The following IGSF10 variants were observed in gnomAD, a reference collection of about 807,000 sequenced individuals.
IGSF10 encodes immunoglobulin superfamily member 10, also known as calvaria mechanical force protein 608.
A neutral mutation model predicts 128.2 loss-of-function variants in IGSF10; 126 were observed. The observed-to-expected ratio is 0.98, with a 90% CI of 0.85 to 1.14. The LOEUF is 1.14. Ranked by LOEUF, IGSF10 falls within the 50% of genes most tolerant of loss-of-function variation. IGSF10 has a pLI of 0.00. For missense variants in IGSF10, 3,295 were observed against 3,149.8 expected (o/e 1.05, Z -1.10); for synonymous variants, 1,185 against 1,146.2 (o/e 1.03, Z -0.68).
the IGSF10 span, among the ~76,000 whole-genome samples, chr3:151,530,529 C>T: frequency 6.6e-6 from 1 of 152,208 alleles, no homozygotes; most frequent in East Asian, 1.9e-4. Context: ...ACCCTACAAG[C>T]CAGAAGAGAG....
In IGSF10 at chr3:151,448,777, A is replaced by G; in HGVS notation, c.1204T>C (p.Tyr402His). The G allele has an allele frequency of 6.2e-7, 1 of 1,613,748 alleles. No individual in the cohort carries two copies. The highest frequency in any genetic ancestry group is 8.5e-7 in the Non-Finnish European group (1 of 1,179,690). ...HLLSETPQLY[Y>H]KYKQVAPKPE... ...TTAGGAGCCACCTGTTTATATTTGT[A>G]ATAGAGCTGCGGTGTTTCACTAAGC... The change falls in exon 6 of 8, where the codon TAC becomes CAC. Residue 402 changes from tyrosine to histidine, a missense_variant. Tyr to His is a moderately conservative substitution (Grantham distance 83). Transcript: ENST00000282466.
chr3:151,443,512 A>G lies in IGSF10; in HGVS notation c.5435T>C (p.Ile1812Thr), dbSNP rs775543651. The G allele has an allele frequency of 1.9e-6, 3 of 1,614,234 alleles. No individual in the cohort carries two copies. The African/African-American group carries it at 4.0e-5, about 22-fold the overall frequency. ...ACATTTGTAAAAGCCACGGTCATAAATACTGAGATTGTGGAGGACCAATGT... is the reference window on the plus strand; with the variant it reads ...ACATTTGTAAAAGCCACGGTCATAAGTACTGAGATTGTGGAGGACCAATGT... ...DGTLVLHNLS[I>T]YDRGFYKCVA... The change falls in exon 7 of 8, where the codon ATT (isoleucine) becomes ACT (threonine). Residue 1812 changes from isoleucine to threonine, a missense_variant. Physicochemically the swap from Ile to Thr is moderately conservative, Grantham distance 89 (BLOSUM62 -1). Coordinates refer to ENST00000282466, the MANE Select transcript of IGSF10 (RefSeq NM_178822.5).
At chr3:151,463,499 T>A (rs1467764114), upstream of IGSF10, among the ~76,000 whole-genome samples, 1 of 150,314 alleles carries the variant, frequency 6.7e-6, no homozygotes, top group Admixed American at 6.6e-5. Flanking sequence ...GTAAAACCAA[T>A]GCTTTTAAGC....
rs772661934 is a variant in IGSF10, at chr3:151,446,768, C to G, written c.3213G>C (p.Arg1071Ser). 4 of 1,614,042 alleles carry G rather than the reference C, an allele frequency of 2.5e-6. No individual in the cohort carries two copies. In the Admixed American group the frequency reaches 6.7e-5, roughly 27 times the overall value. ...ACAATGCTGCTGTGGCAGTGGTGAG[C>G]CTCTCCCTGGGAAGACAGGACAGAC... The part of the protein sequence containing the change: ...VTCLSCLPRE[R>S]LTTATAALSF... Residue 1071 changes from arginine to serine, a missense_variant, in exon 6 of 8, where the codon AGG becomes AGC. By Grantham distance (110) the Arg-to-Ser change is moderately radical (BLOSUM62 -1). Coordinates refer to ENST00000282466, the MANE Select transcript of IGSF10 (RefSeq NM_178822.5).
At chr3:151,544,807 T>G in the IGSF10 span, among the ~76,000 whole-genome samples, 1,293 of 152,212 alleles carry the variant, frequency 8.5e-3, 17 homozygotes, top group Non-Finnish European at 0.014. Context: ...TTTTGTGTTT[T>G]GGTTTTGGAA....
rs1720311338 is a variant in IGSF10 at position 151,436,856 on chromosome 3, G to A, written c.7705C>T (p.Leu2569Phe). 1 of 1,614,048 alleles carries A rather than the reference G, an allele frequency of 6.2e-7. No individual in the cohort carries two copies. The highest frequency in any genetic ancestry group is 8.5e-7 in the Non-Finnish European group (1 of 1,180,034). Residue 2569 changes from leucine to phenylalanine, a missense_variant, in exon 8 of 8, where the codon CTT becomes TTT. By Grantham distance (22) the Leu-to-Phe change is conservative. Coordinates refer to ENST00000282466, the MANE Select transcript of IGSF10 (RefSeq NM_178822.5). The stretch of plus-strand genomic sequence containing the variant: ...CTCTCTTTACTTGCCGTTGAGAGAA[G>A]GGAGTGGTCAGGCATCTCCCATGTG... Reference protein sequence around the residue: ...EITWEMPDHSLLSTASKERTH... With the variant: ...EITWEMPDHSFLSTASKERTH...
rs560172935 is a variant in IGSF10, at chr3:151,447,371, C to T, written c.2610G>A (p.Met870Ile). ...KLSTAIKTTAMSKNINPTMSS... is the reference protein window; with the variant it reads ...KLSTAIKTTAISKNINPTMSS... ...ACATGGTTGGGTTTATATTCTTTGA[C>T]ATGGCTGTAGTTTTAATAGCAGTAG... The change falls in exon 6 of 8, where the codon ATG becomes ATA. Residue 870 changes from methionine to isoleucine, a missense_variant. Met to Ile is a conservative substitution (Grantham distance 10, BLOSUM62 1). Coordinates refer to ENST00000282466, the MANE Select transcript of IGSF10 (RefSeq NM_178822.5). 15 of 1,614,154 alleles carry T rather than the reference C, an allele frequency of 9.3e-6. No homozygotes were observed. Among genetic ancestry groups the T allele is most frequent in the Admixed American group, 5.0e-5 (3 of 60,016 alleles).
the IGSF10 span, among the ~76,000 whole-genome samples, chr3:151,527,013 G>A: frequency 6.6e-6 from 1 of 152,122 alleles, no homozygotes; most frequent in Non-Finnish European, 1.5e-5. Context: ...GCTTTTTGTT[G>A]ACCTAACCTA....
the IGSF10 span, among the ~76,000 whole-genome samples, chr3:151,528,902 T>C: frequency 2.2e-3 from 303 of 138,234 alleles, 5 homozygotes; most frequent in East Asian, 0.026. Flanking sequence ...AGCCAAGTGG[T>C]CTGGCTTGGT....
chr3:151,585,247 A>C, the IGSF10 span, among the ~76,000 whole-genome samples: 7 of 152,178 alleles, frequency 4.6e-5, no homozygotes, highest in African/African-American at 1.7e-4. Context: ...AAATGATCAT[A>C]ATTTGGGTTA....
the IGSF10 span, among the ~76,000 whole-genome samples, chr3:151,530,366 C>CCA: frequency 6.6e-6 from 1 of 152,148 alleles, no homozygotes; most frequent in East Asian, 1.9e-4. Context: ...ACAGAGAACA[C>CCA]CACAAAGATA....
chr3:151,443,956 T>C (rs1457528519), intron 6 of IGSF10, 72 bp from the exon 7 acceptor site: 5 of 1,217,686 alleles, frequency 4.1e-6, no homozygotes, highest in Non-Finnish European at 5.7e-6. Flanking sequence ...GCTATCGTTT[T>C]TTGGGCTACT....
the IGSF10 span, among the ~76,000 whole-genome samples, chr3:151,524,219 A>G: frequency 6.6e-6 from 1 of 152,146 alleles, no homozygotes; most frequent in African/African-American, 2.4e-5. Context: ...AAAGAAGCAT[A>G]GTGATTCCTG....
At position 151,444,976 on chromosome 3, in the gene IGSF10, G is replaced by A. The variant is rs756651589; in HGVS notation, c.5005C>T (p.Pro1669Ser). 7 of 1,614,120 alleles carry A rather than the reference G, an allele frequency of 4.3e-6. No homozygotes were observed. Among genetic ancestry groups the A allele is most frequent in the Admixed American group, 3.3e-5 (2 of 60,028 alleles). ...AGGGGATTTCCAACAGCTTCACAGG[G>A]AAGAAAGGCATCTGAGTTAGCTGGA... ...TIPANSDAFL[P>S]CEAVGNPLPT... Residue 1669 changes from proline (P) to serine (S), a missense_variant, in exon 6 of 8, where the codon CCC becomes TCC. Pro to Ser is a moderately conservative substitution (Grantham distance 74, BLOSUM62 -1). Coordinates refer to ENST00000282466, the MANE Select transcript of IGSF10 (RefSeq NM_178822.5).
chr3:151,501,153 G>A, the IGSF10 span, among the ~76,000 whole-genome samples: 1 of 151,992 alleles, frequency 6.6e-6, no homozygotes, highest in Non-Finnish European at 1.5e-5. Context: ...CAAAATTCAA[G>A]GGCTGCTTAC....
intron 4 of IGSF10, 110 bp from the exon 5 acceptor site, chr3:151,453,884 A>G (rs1721646751): frequency 1.6e-6 from 1 of 636,200 alleles, no homozygotes. Flanking sequence ...TGCAATTTAT[A>G]TACCTTCTTA....
chr3:151,457,092 G>A lies in IGSF10; in HGVS notation c.258C>T (p.Leu86=). ...TGTGAATGCCATTGCTGTGAAGCAT[G>A]AGTAACTCCAGTTTGGTCAGGCCAG... ...DFSGLTKLEL[L]MLHSNGIHTI... Residue 86 remains leucine (L), a synonymous_variant, in exon 4 of 8, where the codon CTC becomes CTT. Transcript: ENST00000282466. 3.7e-6 allele frequency: 6 copies of A among 1,614,008 alleles called. No homozygotes were observed. The highest frequency in any genetic ancestry group is 5.1e-6 in the Non-Finnish European group (6 of 1,179,838).
Position 151,446,074 on chromosome 3 carries a change from T to A in IGSF10, c.3907A>T (p.Ser1303Cys). 6.2e-7 allele frequency: 1 copy of A among 1,614,144 alleles called. No homozygotes were observed. Among genetic ancestry groups the A allele is most frequent in the African/African-American group, 1.3e-5 (1 of 75,038 alleles). The change falls in exon 6 of 8, where the codon AGC (serine) becomes TGC (cysteine). Residue 1303 changes from serine to cysteine, a missense_variant. Ser to Cys is a moderately radical substitution (Grantham distance 112). Transcript: ENST00000282466. ...ATGCTTTTTGTACTTGAGTCTTTGC[T>A]TATAATACTAGGAAGCATAGGGTTA... ...PLNPMLPSII[S>C]KDSSTKSIIS... is the part of the protein sequence containing the mutation.
chr3:151,529,258 A>G, the IGSF10 span, among the ~76,000 whole-genome samples: 1 of 152,076 alleles, frequency 6.6e-6, no homozygotes, highest in Admixed American at 6.5e-5. Context: ...CCCCTGGGGG[A>G]AGGGGCAGCT....
Sources: gnomAD v4.1 joint callset for allele counts (sites outside exome capture counted in the v4.1 genomes callset) on GRCh38, gnomAD v4.1.1 for gene constraint, MANE v1.5 for transcripts, NCBI Gene and HGNC (gene_info 2026-07-23, HGNC 2026-07-21) for gene names.